Variants in SLIT3 observed in about 807,000 individuals in gnomAD.
The protein encoded by SLIT3 is slit guidance ligand 3, also known as slit homolog 3 protein.
Under a neutral mutation model 184.0 loss-of-function variants are expected in SLIT3, and 68 were observed. The ratio of observed to expected loss-of-function variants is 0.37; its 90% CI spans 0.30 to 0.45. The LOEUF (loss-of-function observed/expected upper bound fraction) is 0.45, where lower values mean the gene tolerates loss of function less well. SLIT3 is among the 20% of genes least tolerant of loss of function. SLIT3 has a pLI of 1.00. For missense variants in SLIT3, 1,707 were observed against 2,026.0 expected, an observed-to-expected ratio of 0.84 and a Z score of 3.02; for synonymous variants, 831 against 828.6, an observed-to-expected ratio of 1.00 and a Z score of -0.05.
chr5:169,078,989 G>A (rs957401842), intron 4 of SLIT3, among the ~76,000 whole-genome samples: 2 of 152,184 alleles, frequency 1.3e-5, no homozygotes, highest in African/African-American at 4.8e-5. Flanking sequence ...GCTTTCTCAT[G>A]GCACAGAATT....
intron 4 of SLIT3, chr5:169,025,000 A>T (rs1452104291): frequency 6.6e-6 from 1 of 152,178 alleles, no homozygotes; most frequent in African/African-American, 2.4e-5. Context: ...ACTGTTCATT[A>T]TAATTGGGGC....
chr5:168,798,222 TC>T (rs148221236), intron 9 of SLIT3, among the ~76,000 whole-genome samples: 11 of 132,158 alleles, frequency 8.3e-5, no homozygotes, highest in South Asian at 2.6e-4. Flanking sequence ...TTCTTCTTCT[TC>T]TTTTTTTTTT....
intron 23 of SLIT3, among the ~76,000 whole-genome samples, chr5:168,715,341 T>C (rs1197963979): frequency 1.3e-5 from 2 of 152,240 alleles, no homozygotes; most frequent in African/African-American, 4.8e-5. Context: ...TCTGTAGCCG[T>C]TCCTCTGTTT....
chr5:169,043,180 C>A (rs767222597), intron 4 of SLIT3, among the ~76,000 whole-genome samples: 1 of 152,046 alleles, frequency 6.6e-6, no homozygotes, highest in Non-Finnish European at 1.5e-5. Context: ...ATGACTTGCC[C>A]GAGGTCATAC....
intron 4 of SLIT3, among the ~76,000 whole-genome samples, chr5:169,173,527 C>A (rs1001569356): frequency 6.6e-6 from 1 of 151,934 alleles, no homozygotes; most frequent in African/African-American, 2.4e-5. Context: ...AGGGCACACC[C>A]TTCCTGAGTG....
chr5:168,896,889 C>A (rs1460252549), intron 4 of SLIT3, among the ~76,000 whole-genome samples: 1 of 152,176 alleles, frequency 6.6e-6, no homozygotes, highest in African/African-American at 2.4e-5. Flanking sequence ...TGTGCCGGCT[C>A]AGGGCAAGTC....
intron 30 of SLIT3, 125 bp downstream of exon 30, chr5:168,686,854 T>C: frequency 1.8e-6 from 2 of 1,087,338 alleles, no homozygotes; most frequent in Non-Finnish European, 2.7e-6. Flanking sequence ...AATAAAGGCA[T>C]CACCCAGAAC....
intron 3 of SLIT3, among the ~76,000 whole-genome samples, chr5:169,211,474 C>T (rs1764261929): frequency 6.6e-6 from 1 of 152,104 alleles, no homozygotes; most frequent in African/African-American, 2.4e-5. Context: ...ATGATCTGTC[C>T]ATCTCCCTAT....
intron 33 of SLIT3, among the ~76,000 whole-genome samples, chr5:168,671,957 G>A (rs116354291): frequency 6.6e-6 from 1 of 152,226 alleles, no homozygotes; most frequent in Non-Finnish European, 1.5e-5. Flanking sequence ...GGAGCTGCTT[G>A]ATCAACGAAA....
chr5:169,138,475 C>A (rs573677661), intron 4 of SLIT3, among the ~76,000 whole-genome samples: 51 of 152,276 alleles, frequency 3.3e-4, no homozygotes, highest in African/African-American at 1.2e-3. Context: ...CCCCTTCCCC[C>A]CTAGAGCACT....
At chr5:168,868,462 T>C (rs1759387137) in intron 5 of SLIT3, among the ~76,000 whole-genome samples, 1 of 152,170 alleles carries the variant, frequency 6.6e-6, no homozygotes, top group Admixed American at 6.5e-5. Context: ...TTAAAAATTA[T>C]GGCTTGGCCG....
At chr5:169,150,404 G>C (rs901962672) in intron 4 of SLIT3, among the ~76,000 whole-genome samples, 2 of 152,148 alleles carry the variant, frequency 1.3e-5, no homozygotes, top group Non-Finnish European at 2.9e-5. Flanking sequence ...GGTTCTCTGA[G>C]ACATGCAGAA....
At chr5:169,179,931 T>TG (rs1763104565) in intron 4 of SLIT3, among the ~76,000 whole-genome samples, 1 of 152,024 alleles carries the variant, frequency 6.6e-6, no homozygotes, top group South Asian at 2.1e-4. Flanking sequence ...ACAAAACAGA[T>TG]AAAATCCCTG....
chr5:169,034,683 T>A (rs2113534317), intron 4 of SLIT3, among the ~76,000 whole-genome samples: 1 of 152,066 alleles, frequency 6.6e-6, no homozygotes, highest in Admixed American at 6.5e-5. Flanking sequence ...AGACGCTAGA[T>A]CAAATAAATA....
At chr5:168,927,901 T>C (rs1275408266) in intron 4 of SLIT3, among the ~76,000 whole-genome samples, 1 of 152,266 alleles carries the variant, frequency 6.6e-6, no homozygotes, top group Non-Finnish European at 1.5e-5. Context: ...AGTTCAAATG[T>C]CATTTCCTTT....
chr5:168,844,896 ATTTTTTTTTT>A, intron 5 of SLIT3: 1 of 230,492 alleles, frequency 4.3e-6, no homozygotes, highest in South Asian at 7.0e-5. Flanking sequence ...TTAATTGCGC[ATTTTTTTTTT>A]TTTTTTTTTT....
At chr5:168,790,978 T>A (rs1258253544) in intron 10 of SLIT3, 1 of 152,242 alleles carries the variant, frequency 6.6e-6, no homozygotes, top group African/African-American at 2.4e-5. Context: ...GTCTAGTTTA[T>A]CCCTTTAGCT....
At chr5:168,907,566 C>G (rs1761091917) in intron 4 of SLIT3, among the ~76,000 whole-genome samples, 1 of 152,132 alleles carries the variant, frequency 6.6e-6, no homozygotes, top group South Asian at 2.1e-4. Flanking sequence ...GATGACTAGT[C>G]ATGTCCAAGC....
At chr5:169,085,050 G>A (rs527651403) in intron 4 of SLIT3, among the ~76,000 whole-genome samples, 1 of 152,306 alleles carries the variant, frequency 6.6e-6, no homozygotes, top group East Asian at 1.9e-4. Context: ...ACACGTGGAG[G>A]AGATTTCTAC....
Sources: gnomAD v4.1 joint callset for allele counts (sites outside exome capture counted in the v4.1 genomes callset) on GRCh38, gnomAD v4.1.1 for gene constraint, MANE v1.5 for transcripts, NCBI Gene and HGNC (gene_info 2026-07-23, HGNC 2026-07-21) for gene names.